GRIK5: variants seen among roughly 807,000 people sequenced by gnomAD.
GRIK5 encodes glutamate receptor ionotropic, kainate 5.
In GRIK5, 43 loss-of-function variants were observed where a neutral mutation model predicts 97.4. The ratio of observed to expected loss-of-function variants is 0.44; its 90% CI spans 0.35 to 0.57. The LOEUF is 0.57. GRIK5 is among the 20% of genes least tolerant of loss of function. The pLI, the probability that GRIK5 is intolerant of heterozygous loss-of-function variation, is 0.01. For synonymous variants in GRIK5, 580 were observed against 583.5 expected (o/e 0.99, Z 0.09); for missense variants, 1,015 against 1,382.0 (o/e 0.73, Z 4.21).
chr19:42,023,015 A>G (rs1024383386), intron 12 of GRIK5, among the ~76,000 whole-genome samples: 1 of 152,030 alleles, frequency 6.6e-6, no homozygotes, highest in Non-Finnish European at 1.5e-5. Context: ...CCAGATACAA[A>G]CCCAAGGTTG....
intron 9 of GRIK5, 71 bp from the exon 10 acceptor site, chr19:42,054,000 G>A (rs2076149694): frequency 9.9e-7 from 1 of 1,006,558 alleles, no homozygotes; most frequent in East Asian, 2.4e-5. Context: ...GGCCCAACGT[G>A]GTGAGACATC....
chr19:42,029,557 G>A (rs1288376642), intron 12 of GRIK5, among the ~76,000 whole-genome samples: 1 of 152,070 alleles, frequency 6.6e-6, no homozygotes, highest in Non-Finnish European at 1.5e-5. Context: ...CAGCCTGGGG[G>A]ACAAGAGTGA....
intron 15 of GRIK5, among the ~76,000 whole-genome samples, chr19:42,014,028 CAA>C (rs1050872672): frequency 3.9e-4 from 27 of 69,694 alleles, no homozygotes; most frequent in Admixed American, 6.7e-4. Context: ...GACTCCATCT[CAA>C]AAAAAAAAAA....
At chr19:42,013,145 G>A (rs1475993704) in intron 15 of GRIK5, among the ~76,000 whole-genome samples, 3 of 149,358 alleles carry the variant, frequency 2.0e-5, no homozygotes, top group Admixed American at 2.0e-4. Context: ...CTTGAGGCCA[G>A]GAGTTCAAGA....
At chr19:42,053,378 G>T (rs1429863519) in intron 11 of GRIK5, among the ~76,000 whole-genome samples, 1 of 152,244 alleles carries the variant, frequency 6.6e-6, no homozygotes, top group Admixed American at 6.5e-5. Context: ...ACTGTGCAAA[G>T]AGCTGGGTTA....
In GRIK5 at chr19:41,999,041, T is replaced by A; in HGVS notation, c.2773A>T (p.Thr925Ser). 1 of 629,502 alleles carries A rather than the reference T, an allele frequency of 1.6e-6. No individual in the cohort carries two copies. The highest frequency in any genetic ancestry group is 2.0e-6 in the Non-Finnish European group (1 of 496,040). 39.0% of individuals were successfully genotyped at this position (629,502 alleles called of 1,614,324 possible). Residue 925 changes from threonine (T) to serine (S), a missense_variant, in exon 20 of 20, where the codon ACC becomes TCC. Around this residue, in one of 5 missense-constraint regions of GRIK5, gnomAD observed 109 missense variants for 100.4 expected, o/e 1.09. Transcript: ENST00000593562. This position sits in a 1 kb window ranked among gnomAD's most constrained non-coding sequence, Gnocchi z 5.0. The stretch of plus-strand genomic sequence containing the variant: ...CAGACGCGCACGTGGGTGCAGGGGG[T>A]GGGGGCGGCGGGTCGGGCTCCGCTG... ...PPSGARPAAP[T>S]PCTHVRVCQE...
Position 42,022,744 on chromosome 19 carries a change from C to G in GRIK5, c.1474-390G>C, listed in dbSNP as rs944083142. 2 of 799,986 alleles carry G rather than the reference C, an allele frequency of 2.5e-6. No individual in the cohort carries two copies. The highest frequency in any genetic ancestry group is 3.7e-5 in the African/African-American group (2 of 53,368). The allele number at this position is 799,986 out of a possible 1,614,324, so 49.6% of individuals were successfully genotyped here. On this transcript the variant is annotated intron_variant, in intron 12 of 19. Coordinates refer to ENST00000593562, the MANE Select transcript of GRIK5 (RefSeq NM_002088.5). This position sits in a 1 kb window ranked among gnomAD's most constrained non-coding sequence, Gnocchi z 4.2. ...GCACTCGAGATAATACAGGCCCGGA[C>G]AGAACACAGAGCAGGGAGAGAGGAG...
chr19:42,029,101 C>T (rs548901251), intron 12 of GRIK5, among the ~76,000 whole-genome samples: 1 of 152,162 alleles, frequency 6.6e-6, no homozygotes, highest in South Asian at 2.1e-4. Flanking sequence ...CAGAGTCTTG[C>T]TCTGTAGCTG....
At chr19:42,035,809 C>A (rs975195838) in intron 12 of GRIK5, among the ~76,000 whole-genome samples, 1 of 152,094 alleles carries the variant, frequency 6.6e-6, no homozygotes, top group Non-Finnish European at 1.5e-5. Flanking sequence ...TCATGTATAT[C>A]CAGTGTTTCT....
Position 42,062,734 on chromosome 19 carries a change from G to C in GRIK5, c.342+24C>G. 1 of 1,611,428 alleles carries C rather than the reference G, an allele frequency of 6.2e-7. No homozygotes were observed. The highest frequency in any genetic ancestry group is 8.5e-7 in the Non-Finnish European group (1 of 1,177,622). On this transcript the variant is annotated intron_variant, in intron 4 of 19. Transcript: ENST00000593562. This position sits in a 1 kb window ranked among gnomAD's most constrained non-coding sequence, Gnocchi z 5.3. ...CCCAGGGACCCGCTCCCCACAAAGC[G>C]CCGGCCCACACTCCCCATCTCACCT...
intron 12 of GRIK5, among the ~76,000 whole-genome samples, chr19:42,031,691 A>G (rs992724852): frequency 2.6e-5 from 4 of 152,282 alleles, no homozygotes; most frequent in Admixed American, 6.5e-5. Flanking sequence ...AGGAGCCTAT[A>G]TAGAAACTGT....
At chr19:42,001,981 C>A in intron 19 of GRIK5, 1 of 609,236 alleles carries the variant, frequency 1.6e-6, no homozygotes, top group South Asian at 2.1e-5. Context: ...GAAAGAGAAA[C>A]CCAACGAGGG....
At chr19:42,050,526 C>CG (rs1183708925) in intron 11 of GRIK5, among the ~76,000 whole-genome samples, 3 of 151,786 alleles carry the variant, frequency 2.0e-5, no homozygotes, top group Non-Finnish European at 4.4e-5. Flanking sequence ...GGTGTGGTGA[C>CG]GGGCGCCTGT....
intron 8 of GRIK5, among the ~76,000 whole-genome samples, chr19:42,055,116 A>T (rs1349299569): frequency 6.6e-6 from 1 of 152,250 alleles, no homozygotes; most frequent in African/African-American, 2.4e-5. Flanking sequence ...TAACGCCTGT[A>T]AAGCACTCAG....
At chr19:42,060,367 C>G (rs1242677617) in intron 5 of GRIK5, among the ~76,000 whole-genome samples, 3 of 152,072 alleles carry the variant, frequency 2.0e-5, no homozygotes, top group Non-Finnish European at 4.4e-5. Context: ...GCAACAAACA[C>G]CGCAAATAAA....
chr19:42,065,826 G>T lies in GRIK5; in HGVS notation c.-50-6C>A. The T allele has an allele frequency of 2.9e-6, 4 of 1,396,270 alleles. No individual in the cohort carries two copies. The highest frequency in any genetic ancestry group is 3.9e-6 in the Non-Finnish European group (4 of 1,015,816). The allele number at this position is 1,396,270 out of a possible 1,614,324, so 86.5% of individuals were successfully genotyped here. ...CCGCGGCCCCCACTCGCCACCTGCA[G>T]GGAGACCCCCCAGACCAAGGGGAGA... On this transcript the variant is annotated splice_region_variant and splice_polypyrimidine_tract_variant and intron_variant, in intron 1 of 19. Transcript: ENST00000593562. This position sits in a 1 kb window ranked among gnomAD's most constrained non-coding sequence, Gnocchi z 5.8.
In GRIK5 at chr19:42,003,747, C is replaced by G; in HGVS notation, c.2264-64G>C. 1 of 1,491,518 alleles carries G rather than the reference C, an allele frequency of 6.7e-7. No homozygotes were observed. The highest frequency in any genetic ancestry group is 8.9e-7 in the Non-Finnish European group (1 of 1,121,652). 92.4% of individuals were successfully genotyped at this position (1,491,518 alleles called of 1,614,324 possible). A position where few individuals can be genotyped will look rare whatever the true frequency, so the allele number is the denominator to read the frequency against. On this transcript the variant is annotated intron_variant, in intron 17 of 19. Transcript: ENST00000593562. This position sits in a 1 kb window ranked among gnomAD's most constrained non-coding sequence, Gnocchi z 4.2. ...CCTGCAGCCCTGACCGCCCCAAACCCCAAACTGTGCCCTCACCACGGCCTT... is the reference window on the plus strand; with the variant it reads ...CCTGCAGCCCTGACCGCCCCAAACCGCAAACTGTGCCCTCACCACGGCCTT...
rs187754573 is a variant in GRIK5, at chr19:42,003,679, G to C, written c.2268C>G (p.Ser756=). 8.7e-6 allele frequency: 14 copies of C among 1,609,976 alleles called. No homozygotes were observed. The African/African-American group carries it at 1.7e-4, about 20-fold the overall frequency. ...KGYGIGMPLG[S]PFRDEITLAI... is the part of the protein sequence containing the mutation. ...CCAGTGTGATCTCATCCCGGAACGG[G>C]GAGCCTGGGCAGGCACACGAGGGGC... The change falls in exon 18 of 20, where the codon TCC becomes TCG. Residue 756 remains serine, a synonymous_variant. Transcript: ENST00000593562. The surrounding 1 kb of genome is among the most constrained non-coding windows in gnomAD (Gnocchi z 4.2).
At position 42,054,924 on chromosome 19, in the gene GRIK5, TATA is replaced by T. The variant is rs1381323019; in HGVS notation, c.904-455_904-453del. Among the ~76,000 whole-genome samples the T allele has an allele frequency of 3.3e-5, 5 of 152,204 alleles. No homozygotes were observed. The East Asian group carries it at 7.7e-4, about 24-fold the overall frequency. On this transcript the variant is annotated intron_variant, in intron 8 of 19. Transcript: ENST00000593562. ...GTGTGGTGTCAGAGAGGCAGGAGCA[TATA>T]ATGATTGGTCGCGGGCCTGGGAGGC...
Sources: gnomAD v4.1 joint callset for allele counts (sites outside exome capture counted in the v4.1 genomes callset) on GRCh38, gnomAD v4.1.1 for gene constraint, gnomAD v4.1.1 regional missense constraint, Gnocchi (gnomAD v3.1) non-coding constraint, MANE v1.5 for transcripts, NCBI Gene and HGNC (gene_info 2026-07-23, HGNC 2026-07-21) for gene names.